Variants in NAALAD2 observed in about 807,000 individuals in gnomAD.
NAALAD2 encodes the protein N-acetylated alpha-linked acidic dipeptidase 2.
In NAALAD2, 89 loss-of-function variants were observed where a neutral mutation model predicts 95.6. The ratio of observed to expected loss-of-function variants is 0.93; its 90% CI spans 0.78 to 1.11. The LOEUF (loss-of-function observed/expected upper bound fraction) is 1.11. NAALAD2 is among the 50% of genes least tolerant of loss of function. NAALAD2 has a pLI of 0.00. For missense variants in NAALAD2, 894 were observed against 872.4 expected, an observed-to-expected ratio of 1.02 and a Z score of -0.31; for synonymous variants, 264 against 294.4, an observed-to-expected ratio of 0.90 and a Z score of 1.06.
intron 2 of NAALAD2, among the ~76,000 whole-genome samples, chr11:90,144,741 A>G: frequency 1.3e-5 from 1 of 74,864 alleles, no homozygotes; most frequent in Non-Finnish European, 2.5e-5. Flanking sequence ...AAACTCCATT[A>G]AAAAAAAAAA....
intron 17 of NAALAD2, among the ~76,000 whole-genome samples, chr11:90,182,402 G>T (rs1422710479): frequency 1.3e-5 from 2 of 152,060 alleles, no homozygotes; most frequent in Non-Finnish European, 2.9e-5. Flanking sequence ...TTGTAGGGGA[G>T]CCCAGGGAAC....
chr11:90,163,198 T>C, intron 9 of NAALAD2, 112 bp from the exon 10 acceptor site: 1 of 1,286,634 alleles, frequency 7.8e-7, no homozygotes, highest in Non-Finnish European at 1.1e-6. Context: ...CTTTATAGTG[T>C]TGTCTTCTAT....
At chr11:90,144,754 A>AAAAAAAAAC in intron 2 of NAALAD2, among the ~76,000 whole-genome samples, 1 of 151,126 alleles carries the variant, frequency 6.6e-6, no homozygotes, top group Admixed American at 6.6e-5. Flanking sequence ...AAAAAAAAAA[A>AAAAAAAAAC]ACGGAAAAGA....
At chr11:90,152,529 C>A in intron 6 of NAALAD2, 45 bp downstream of exon 6, 4 of 1,468,960 alleles carry the variant, frequency 2.7e-6, no homozygotes, top group Non-Finnish European at 3.7e-6. Context: ...AAAAATACTC[C>A]TTGCCCTTTT....
At chr11:90,174,063 A>G (rs1591013903) in intron 14 of NAALAD2, 148 bp downstream of exon 14, 2 of 643,144 alleles carry the variant, frequency 3.1e-6, no homozygotes, top group Non-Finnish European at 5.3e-6. Context: ...CGAGCCCAGT[A>G]GCTCACGCCT....
intron 14 of NAALAD2, among the ~76,000 whole-genome samples, chr11:90,175,720 G>T (rs1168466834): frequency 6.6e-6 from 1 of 152,026 alleles, no homozygotes; most frequent in Non-Finnish European, 1.5e-5. Context: ...GTTATAGGTT[G>T]GTGCAAAAGT....
At chr11:90,163,679 G>A (rs2134921051) in intron 11 of NAALAD2, 62 bp downstream of exon 11, 4 of 1,410,794 alleles carry the variant, frequency 2.8e-6, no homozygotes, top group Non-Finnish European at 4.0e-6. Flanking sequence ...ATATGTATGT[G>A]TCTCAGGATG....
intron 15 of NAALAD2, among the ~76,000 whole-genome samples, chr11:90,177,597 T>TTG (rs1952836594): frequency 1.9e-5 from 1 of 52,306 alleles, no homozygotes; most frequent in African/African-American, 7.3e-5. Context: ...TTTTTTTTTT[T>TTG]TTTTTTTTTT....
At chr11:90,180,093 GAATA>G (rs1260901920) in intron 16 of NAALAD2, among the ~76,000 whole-genome samples, 1 of 138,928 alleles carries the variant, frequency 7.2e-6, no homozygotes, top group Non-Finnish European at 1.6e-5. Flanking sequence ...ATGAATGAAT[GAATA>G]CATAATCTAC....
chr11:90,191,437 TGTC>T, intron 18 of NAALAD2, 118 bp from the exon 19 acceptor site: 2 of 579,766 alleles, frequency 3.4e-6, no homozygotes, highest in Non-Finnish European at 5.4e-6. Flanking sequence ...TCAGATCAAC[TGTC>T]TTCTTATTAT....
chr11:90,134,922 G>T (rs1184293684), intron 1 of NAALAD2, 82 bp downstream of exon 1: 3 of 1,503,024 alleles, frequency 2.0e-6, no homozygotes, highest in East Asian at 4.5e-5. Flanking sequence ...GGAGCTGGAA[G>T]GGATTGGGCT....
rs904127832 is a variant in NAALAD2, at chr11:90,180,807, G to GA, written c.1859-804dup. On this transcript the variant is annotated intron_variant, in intron 16 of 18. Transcript: ENST00000534061. ...ACCAACTGCAAGCCAAAAATATTCA[G>GA]AAAAAAAAACCCATTAAGTTTCAAA... 4.7e-5 allele frequency among the ~76,000 whole-genome samples: 7 copies of GA among 149,932 alleles called. No homozygotes were observed. In the South Asian group the frequency reaches 6.3e-4, roughly 14 times the overall value.
chr11:90,172,979 A>AT (rs898059792), intron 13 of NAALAD2, among the ~76,000 whole-genome samples: 16 of 152,132 alleles, frequency 1.1e-4, no homozygotes, highest in African/African-American at 3.1e-4. Flanking sequence ...CCTTGGGTCT[A>AT]TTTTTGAGCA....
At chr11:90,172,162 A>G (rs1340264869) in intron 13 of NAALAD2, among the ~76,000 whole-genome samples, 2 of 152,158 alleles carry the variant, frequency 1.3e-5, no homozygotes, top group Admixed American at 1.3e-4. Context: ...TCTCTCAACC[A>G]TTGTAAATTG....
chr11:90,157,703 A>G (rs918766230), intron 6 of NAALAD2, among the ~76,000 whole-genome samples: 2 of 149,474 alleles, frequency 1.3e-5, no homozygotes, highest in African/African-American at 5.0e-5. Flanking sequence ...GTATTAGGTA[A>G]AACAATTGTC....
At chr11:90,173,989 C>T (rs1952713811) in intron 14 of NAALAD2, 74 bp downstream of exon 14, 2 of 1,009,464 alleles carry the variant, frequency 2.0e-6, no homozygotes, top group Non-Finnish European at 3.0e-6. Flanking sequence ...TTTCTCCAAG[C>T]ATGAAATTCT....
intron 12 of NAALAD2, 49 bp downstream of exon 12, chr11:90,169,041 C>CT: frequency 7.5e-7 from 1 of 1,341,848 alleles, no homozygotes; most frequent in African/African-American, 1.5e-5. Context: ...GGAAATTTTA[C>CT]TTCAAGTAAC....
chr11:90,191,806 C>A lies in NAALAD2; in HGVS notation c.*59C>A. The A allele has an allele frequency of 7.6e-7, 1 of 1,323,000 alleles. No individual in the cohort carries two copies. Among genetic ancestry groups the A allele is most frequent in the South Asian group, 2.0e-5 (1 of 50,904 alleles). 82.0% of individuals were successfully genotyped at this position (1,323,000 alleles called of 1,614,324 possible). On this transcript the variant is annotated 3_prime_UTR_variant, in exon 19 of 19. Coordinates refer to ENST00000534061, the MANE Select transcript of NAALAD2 (RefSeq NM_005467.4). ...CTAAAAGTCTGAGGATAAAATTCAC[C>A]TTTCTGATAACTTATGAAGCCAGGG... is the stretch of plus-strand genomic sequence containing the variant.
At chr11:90,188,759 G>A (rs989043805) in intron 18 of NAALAD2, among the ~76,000 whole-genome samples, 1 of 152,264 alleles carries the variant, frequency 6.6e-6, no homozygotes, top group South Asian at 2.1e-4. Flanking sequence ...GTAATATATT[G>A]TAACTATCAC....
Sources: gnomAD v4.1 joint callset for allele counts (sites outside exome capture counted in the v4.1 genomes callset) on GRCh38, gnomAD v4.1.1 for gene constraint, MANE v1.5 for transcripts, NCBI Gene and HGNC (gene_info 2026-07-23, HGNC 2026-07-21) for gene names.